The following C1S variants were observed in gnomAD, a reference collection of about 807,000 sequenced individuals.
C1S encodes the protein complement C1s subcomponent.
Under a neutral mutation model 54.0 loss-of-function variants are expected in C1S, and 31 were observed. The ratio of observed to expected loss-of-function variants is 0.57; its 90% CI spans 0.43 to 0.78. The LOEUF is 0.78. C1S is among the 30% of genes least tolerant of loss of function. C1S has a pLI of 0.00. For synonymous variants in C1S, 292 were observed against 303.6 expected, an observed-to-expected ratio of 0.96 and a Z score of 0.40; for missense variants, 727 against 851.8, an observed-to-expected ratio of 0.85 and a Z score of 1.82.
In C1S at chr12:7,066,702, A is replaced by G. The variant is rs1555162319; in HGVS notation, c.987+69A>G. Reference sequence around the variant, plus strand: ...CAGGATGAGCGGACTGAAATTGTCCAGTTGTTTACCCAATGTATGTGTGTG... The same window carrying G: ...CAGGATGAGCGGACTGAAATTGTCCGGTTGTTTACCCAATGTATGTGTGTG... On this transcript the variant is annotated intron_variant, in intron 8 of 11. Transcript: ENST00000360817. The G allele has an allele frequency of 3.2e-6, 3 of 925,936 alleles. No homozygotes were observed. In the East Asian group the frequency reaches 7.2e-5, roughly 22 times the overall value. The allele number at this position is 925,936 out of a possible 1,614,324, so 57.4% of individuals were successfully genotyped here.
rs1193039580 is a variant in C1S, at chr12:7,071,002, CTA to C, written c.*353_*354del. ...CTTGATCATTCTCAGTATCCACTGT[CTA>C]TGTACAATAAAGGATGTTTATAAGC... On this transcript the variant is annotated 3_prime_UTR_variant, in exon 12 of 12. Coordinates refer to ENST00000360817, the MANE Select transcript of C1S (RefSeq NM_001734.5). 3.6e-6 allele frequency: 1 copy of C among 276,044 alleles called. No homozygotes were observed. The highest frequency in any genetic ancestry group is 7.0e-6 in the Non-Finnish European group (1 of 143,418). 17.1% of individuals were successfully genotyped at this position (276,044 alleles called of 1,614,324 possible).
At chr12:7,067,854 G>C in intron 10 of C1S, 83 bp downstream of exon 10, 1 of 1,418,190 alleles carries the variant, frequency 7.1e-7, no homozygotes, top group Non-Finnish European at 9.9e-7. Context: ...CAGAGACAGA[G>C]TTTGGAGACA....
chr12:7,063,924 G>T lies in C1S; in HGVS notation c.392-343G>T, dbSNP rs781952453. On this transcript the variant is annotated intron_variant, in intron 4 of 11. Coordinates refer to ENST00000360817, the MANE Select transcript of C1S (RefSeq NM_001734.5). ...CGTGCTTGTGTTCCCAGCTCCTCGG[G>T]AGGTAGAGGCGTGAGACTTGTTTGA... The T allele has an allele frequency of 7.1e-5, 32 of 449,194 alleles. No individual in the cohort carries two copies. In the East Asian group the frequency reaches 2.1e-3, roughly 29 times the overall value. 27.8% of individuals were successfully genotyped at this position (449,194 alleles called of 1,614,324 possible).
At chr12:7,064,811 G>T (rs1351584161) in intron 5 of C1S, among the ~76,000 whole-genome samples, 1 of 152,312 alleles carries the variant, frequency 6.6e-6, no homozygotes, top group East Asian at 1.9e-4. Flanking sequence ...ATAGGGTAAA[G>T]TTAGTTAATT....
At chr12:7,064,980 G>A in intron 5 of C1S, 120 bp from the exon 6 acceptor site, 1 of 815,938 alleles carries the variant, frequency 1.2e-6, no homozygotes, top group Admixed American at 2.0e-5. Flanking sequence ...TTAGGGCAGG[G>A]ATCTCAGGTT....
chr12:7,062,111 A>C (rs1468219111), intron 2 of C1S, 194 bp downstream of exon 2: 4 of 608,760 alleles, frequency 6.6e-6, no homozygotes, highest in African/African-American at 5.6e-5. Context: ...CTCTATTAAA[A>C]AAAAAAAAAA....
chr12:7,068,302 AT>A (rs1180788424), intron 10 of C1S, among the ~76,000 whole-genome samples, 153 bp from the exon 11 acceptor site: 1 of 151,586 alleles, frequency 6.6e-6, no homozygotes, highest in Non-Finnish European at 1.5e-5. Flanking sequence ...GGAGGAAGAT[AT>A]TTTTTTTCTG....
At position 7,065,315 on chromosome 12, in the gene C1S, T is replaced by C. The variant is rs1555161973; in HGVS notation, c.717+16T>C. ...CAGTTTAGTTGTGCGTGATGGTTGA[T>C]TAATACCCCACCCTTAACTTACACA... On this transcript the variant is annotated intron_variant, in intron 6 of 11. Transcript: ENST00000360817. The C allele has an allele frequency of 1.9e-6, 3 of 1,586,436 alleles. No individual in the cohort carries two copies. The highest frequency in any genetic ancestry group is 2.2e-5 in the South Asian group (2 of 90,508).
chr12:7,066,888 T>G, intron 8 of C1S, 151 bp from the exon 9 acceptor site: 1 of 725,532 alleles, frequency 1.4e-6, no homozygotes, highest in South Asian at 1.5e-5. Flanking sequence ...GTCAGCCTCA[T>G]CTCCTGGGTG....
intron 9 of C1S, chr12:7,067,344 C>T (rs782017504): frequency 1.1e-5 from 7 of 628,732 alleles, no homozygotes; most frequent in South Asian, 3.7e-5. Context: ...TGGGATAGGT[C>T]GAGTTAGTAG....
intron 4 of C1S, chr12:7,063,455 A>C (rs1309869055): frequency 1.1e-5 from 5 of 437,550 alleles, no homozygotes; most frequent in African/African-American, 1.0e-4. Context: ...CAAGAATCAC[A>C]CAAGGAATGT....
At chr12:7,063,143 A>G (rs1192162212) in intron 4 of C1S, 76 bp downstream of exon 4, 11 of 1,310,326 alleles carry the variant, frequency 8.4e-6, no homozygotes, top group Admixed American at 1.7e-5. Flanking sequence ...TGAGCAACAC[A>G]TTGAATGAGG....
chr12:7,062,506 G>T lies in C1S; in HGVS notation c.37G>T (p.Val13Phe). ...CIVLFSLLAW[V>F]YAEPTMYGEI... ...TGTCCTGTTTTCACTTTTGGCATGG[G>T]TTTATGCTGAGCCTACCATGTATGG... is the stretch of plus-strand genomic sequence containing the variant. The change falls in exon 3 of 12, where the codon GTT (valine) becomes TTT (phenylalanine). Residue 13 changes from valine to phenylalanine, a missense_variant. Val to Phe is a conservative substitution (Grantham distance 50, BLOSUM62 -1). Coordinates refer to ENST00000360817, the MANE Select transcript of C1S (RefSeq NM_001734.5). 1 of 1,613,494 alleles carries T rather than the reference G, an allele frequency of 6.2e-7. No individual in the cohort carries two copies. Among genetic ancestry groups the T allele is most frequent in the Non-Finnish European group, 8.5e-7 (1 of 1,180,014 alleles).
At position 7,066,521 on chromosome 12, in the gene C1S, T is replaced by A; in HGVS notation, c.875T>A (p.Met292Lys). The A allele has an allele frequency of 6.3e-7, 1 of 1,596,232 alleles. No homozygotes were observed. The highest frequency in any genetic ancestry group is 1.1e-5 in the South Asian group (1 of 90,754). ...TCCCAACTTCTGTTCTTTCAAGCAA[T>A]GCCCTGCCCTAAGGAAGACACTCCC... ...GWKLRYHGDP[M>K]PCPKEDTPNS... Residue 292 changes from methionine (M) to lysine (K), a missense_variant, in exon 8 of 12, where the codon ATG becomes AAG. Coordinates refer to ENST00000360817, the MANE Select transcript of C1S (RefSeq NM_001734.5).
At chr12:7,062,780 T>C in intron 3 of C1S, 98 bp downstream of exon 3, 1 of 1,476,384 alleles carries the variant, frequency 6.8e-7, no homozygotes, top group Non-Finnish European at 9.4e-7. Context: ...CACAGTGAAC[T>C]GGAGTCAAGT....
In C1S at chr12:7,067,626, C is replaced by A. The variant is rs1368781646; in HGVS notation, c.1067-17C>A. 3.7e-6 allele frequency: 6 copies of A among 1,613,472 alleles called. No individual in the cohort carries two copies. The African/African-American group carries it at 4.0e-5, about 11-fold the overall frequency. ...AGTGGCTGTCCTGACCATCGCTCTCCTTCCTTCGTCTGGTAGCTGTGGACT... is the reference window on the plus strand; with the variant it reads ...AGTGGCTGTCCTGACCATCGCTCTCATTCCTTCGTCTGGTAGCTGTGGACT... On this transcript the variant is annotated splice_polypyrimidine_tract_variant and intron_variant, in intron 9 of 11. Transcript: ENST00000360817.
chr12:7,068,794 T>C lies in C1S; in HGVS notation c.1270+264T>C, dbSNP rs782313642. The C allele has an allele frequency of 2.3e-5, 12 of 515,434 alleles. 1 individual carries two copies. Among genetic ancestry groups the C allele is most frequent in the Non-Finnish European group, 3.9e-5 (11 of 283,884 alleles). 31.9% of individuals were successfully genotyped at this position (515,434 alleles called of 1,614,324 possible). A position where few individuals can be genotyped will look rare whatever the true frequency, so the allele number is the denominator to read the frequency against. ...TGGTAATGTAGCTGCAGTGAGAAGA[T>C]ACAGAACTGCTAAAAACAGGGCCTG... On this transcript the variant is annotated intron_variant, in intron 11 of 11. Coordinates refer to ENST00000360817, the MANE Select transcript of C1S (RefSeq NM_001734.5).
intron 4 of C1S, chr12:7,063,831 C>T (rs1483649994): frequency 5.5e-6 from 2 of 364,802 alleles, no homozygotes; most frequent in Non-Finnish European, 1.1e-5. Context: ...TCAAGACCAG[C>T]CTGGCCAACA....
intron 8 of C1S, 31 bp downstream of exon 8, chr12:7,066,664 C>A (rs1555162311): frequency 2.3e-6 from 3 of 1,295,506 alleles, no homozygotes; most frequent in African/African-American, 2.9e-5. Flanking sequence ...CTCCCCAGTC[C>A]CTGGCCCCAG....
Sources: gnomAD v4.1 joint callset for allele counts (sites outside exome capture counted in the v4.1 genomes callset) on GRCh38, gnomAD v4.1.1 for gene constraint, MANE v1.5 for transcripts, NCBI Gene and HGNC (gene_info 2026-07-23, HGNC 2026-07-21) for gene names.